The following AP1B1 variants were observed in gnomAD, a reference collection of about 807,000 sequenced individuals.
AP1B1 encodes adaptor related protein complex 1 subunit beta 1.
Under a neutral mutation model 104.3 loss-of-function variants are expected in AP1B1, and 36 were observed. The observed-to-expected ratio is 0.35, with a 90% CI of 0.26 to 0.46. The LOEUF is 0.46. AP1B1 is among the 20% of genes least tolerant of loss of function. The pLI, the probability that AP1B1 is intolerant of heterozygous loss-of-function variation, is 1.00. For missense variants in AP1B1, 901 were observed against 1,247.9 expected, an observed-to-expected ratio of 0.72 and a Z score of 4.19; for synonymous variants, 504 against 517.5, an observed-to-expected ratio of 0.97 and a Z score of 0.35.
chr22:29,372,444 AAAAAG>A (rs1290493592), intron 1 of AP1B1, among the ~76,000 whole-genome samples: 2 of 151,656 alleles, frequency 1.3e-5, no homozygotes, highest in Non-Finnish European at 2.9e-5. Context: ...AAAAAAAAGA[AAAAAG>A]AAAAGAAAAG....
At chr22:29,373,901 GAAA>G (rs562221478) in intron 1 of AP1B1, among the ~76,000 whole-genome samples, 1 of 88,364 alleles carries the variant, frequency 1.1e-5, no homozygotes. Flanking sequence ...GACTCGGTCT[GAAA>G]AAAAAAAAAA....
Position 29,351,208 on chromosome 22 carries a change from G to C in AP1B1, c.1118C>G (p.Ala373Gly). ...TEVDVDFVRKAVRAIGRCAIK... is the reference protein window; with the variant it reads ...TEVDVDFVRKGVRAIGRCAIK... ...GGCGCAGCGGCCAATAGCACGCACAGCCTTCCGTACAAAGTCCACATCCAC... is the reference window on the plus strand; with the variant it reads ...GGCGCAGCGGCCAATAGCACGCACACCCTTCCGTACAAAGTCCACATCCAC... The change falls in exon 9 of 23, where the codon GCT becomes GGT. Residue 373 changes from alanine (A) to glycine (G), a missense_variant. Physicochemically the swap from Ala to Gly is moderately conservative, Grantham distance 60 (BLOSUM62 0). Coordinates refer to ENST00000357586, the MANE Select transcript of AP1B1 (RefSeq NM_001127.4). 1 of 1,614,018 alleles carries C rather than the reference G, an allele frequency of 6.2e-7. No individual in the cohort carries two copies. The highest frequency in any genetic ancestry group is 1.1e-5 in the South Asian group (1 of 91,080).
intron 11 of AP1B1, among the ~76,000 whole-genome samples, chr22:29,348,242 A>T (rs2061822033): frequency 6.6e-6 from 1 of 152,242 alleles, no homozygotes; most frequent in Admixed American, 6.5e-5. Context: ...GAAAGCTTTC[A>T]GTTGCCTGAC....
intron 4 of AP1B1, 144 bp downstream of exon 4, chr22:29,359,676 TGGAG>T: frequency 8.2e-6 from 8 of 979,400 alleles, no homozygotes; most frequent in Non-Finnish European, 1.2e-5. Context: ...AGCCCTCTGC[TGGAG>T]GAAGAGGCCT....
At chr22:29,331,379 C>G in intron 19 of AP1B1, 70 bp downstream of exon 19, 1 of 1,470,646 alleles carries the variant, frequency 6.8e-7, no homozygotes, top group Non-Finnish European at 9.5e-7. Flanking sequence ...TTGGTAAAGG[C>G]ACCACCTTGG....
chr22:29,365,731 C>A (rs1447935974), intron 2 of AP1B1, among the ~76,000 whole-genome samples: 2 of 151,730 alleles, frequency 1.3e-5, no homozygotes, highest in East Asian at 3.9e-4. Flanking sequence ...TCTTGTATCA[C>A]CCTCCTCGGT....
At chr22:29,334,163 T>C (rs1602690219) in intron 17 of AP1B1, 102 bp downstream of exon 17, 9 of 506,102 alleles carry the variant, frequency 1.8e-5, no homozygotes, top group Middle Eastern at 3.3e-4. Context: ...TGCCCTCCCC[T>C]CTACAGCCCC....
chr22:29,340,743 G>C lies in AP1B1; in HGVS notation c.1911C>G (p.Leu637=), dbSNP rs768246871. The change falls in exon 14 of 23, where the codon CTC becomes CTG. Residue 637 remains leucine (L), a synonymous_variant. Transcript: ENST00000357586. The part of the protein sequence containing the change: ...DLLGDLLNLD[L]GPPVSGPPLA... ...GGGGTGGGCCGCTCACTGGGGGGCC[G>C]AGGTCCAGGTTGAGGAGGTCACCCA... The C allele has an allele frequency of 2.1e-5, 33 of 1,596,458 alleles. No individual in the cohort carries two copies. The highest frequency in any genetic ancestry group is 1.7e-4 in the Middle Eastern group (1 of 6,056).
chr22:29,359,990 A>C (rs1161217431), intron 3 of AP1B1, 31 bp from the exon 4 acceptor site: 10 of 1,600,174 alleles, frequency 6.2e-6, no homozygotes, highest in Non-Finnish European at 8.5e-6. Context: ...CAGCATGGGA[A>C]AGGCTGAACA....
intron 5 of AP1B1, 132 bp downstream of exon 5, chr22:29,358,594 A>G: frequency 7.9e-7 from 1 of 1,273,604 alleles, no homozygotes; most frequent in Non-Finnish European, 1.1e-6. Flanking sequence ...CAAAAGGCAC[A>G]AGAACAACTG....
chr22:29,359,846 A>C lies in AP1B1; in HGVS notation c.257T>G (p.Met86Arg). The change falls in exon 4 of 23, where the codon ATG becomes AGG. Residue 86 changes from methionine (M) to arginine (R), a missense_variant. Met to Arg is a moderately conservative substitution (Grantham distance 91). Coordinates refer to ENST00000357586, the MANE Select transcript of AP1B1 (RefSeq NM_001127.4). Reference sequence around the variant, plus strand: ...CACCTTCACAAAGGTGTTGACGGCCATAATGGCCATGTCAGGCTGACTCTT... The same window carrying C: ...CACCTTCACAAAGGTGTTGACGGCCCTAATGGCCATGTCAGGCTGACTCTT... ...YAKSQPDMAI[M>R]AVNTFVKDCE... The C allele has an allele frequency of 6.2e-7, 1 of 1,614,024 alleles. No homozygotes were observed. Among genetic ancestry groups the C allele is most frequent in the Non-Finnish European group, 8.5e-7 (1 of 1,179,954 alleles).
intron 2 of AP1B1, among the ~76,000 whole-genome samples, chr22:29,363,861 C>G (rs1416106449): frequency 3.3e-5 from 5 of 152,032 alleles, no homozygotes; most frequent in Non-Finnish European, 7.4e-5. Context: ...CCACTACACT[C>G]CAGCCTGGGG....
In AP1B1 at chr22:29,354,677, C is replaced by T. The variant is rs1010374023; in HGVS notation, c.911G>A (p.Arg304His). 5.0e-6 allele frequency: 8 copies of T among 1,613,904 alleles called. No homozygotes were observed. Among genetic ancestry groups the T allele is most frequent in the African/African-American group, 1.3e-5 (1 of 74,864 alleles). Residue 304 changes from arginine to histidine, a missense_variant, in exon 7 of 23, where the codon CGC becomes CAC. Arg to His is a conservative substitution (Grantham distance 29, BLOSUM62 0). This residue lies in a region of AP1B1 where 471 missense variants were observed against 696.7 expected (regional missense o/e 0.68). Coordinates refer to ENST00000357586, the MANE Select transcript of AP1B1 (RefSeq NM_001127.4). ...AEPELQYVAL[R>H]NINLIVQKRP... ...TTTCTGCACGATGAGATTGATGTTG[C>T]GCAGGGCCACATACTGCAGCTCTGG... is the stretch of plus-strand genomic sequence containing the variant.
At chr22:29,346,287 CAA>C (rs1443678278) in intron 11 of AP1B1, among the ~76,000 whole-genome samples, 4 of 152,176 alleles carry the variant, frequency 2.6e-5, no homozygotes, top group Non-Finnish European at 5.9e-5. Flanking sequence ...GGCTTAGCTG[CAA>C]AAGACTGACC....
At chr22:29,365,738 C>T (rs920093518) in intron 2 of AP1B1, among the ~76,000 whole-genome samples, 6 of 151,778 alleles carry the variant, frequency 4.0e-5, no homozygotes, top group South Asian at 2.1e-4. Flanking sequence ...TCACCCTCCT[C>T]GGTAGCTCAT....
chr22:29,341,554 A>T lies in AP1B1; in HGVS notation c.1743T>A (p.Phe581Leu), dbSNP rs1351472932. Residue 581 changes from phenylalanine to leucine, a missense_variant, in exon 13 of 23, where the codon TTT becomes TTA. Transcript: ENST00000357586. ...GCACGACGCCCCGGCCCCCCTCCAC[A>T]AAGGCACTGGGAGGCTTATGGTAGA... ...ASVYHKPPSA[F>L]VEGGRGVVHK... The T allele has an allele frequency of 5.0e-6, 8 of 1,614,172 alleles. No homozygotes were observed. The highest frequency in any genetic ancestry group is 6.8e-6 in the Non-Finnish European group (8 of 1,180,006).
Position 29,349,982 on chromosome 22 carries a change from C to A in AP1B1, c.1271+53G>T. On this transcript the variant is annotated intron_variant, in intron 10 of 22. Transcript: ENST00000357586. Reference sequence around the variant, plus strand: ...CCTCCTTCCTTTTCTGCCCCGCCATCCCTGTCCCCAGGCAGAGCTAGATGC... The same window carrying A: ...CCTCCTTCCTTTTCTGCCCCGCCATACCTGTCCCCAGGCAGAGCTAGATGC... 5 of 1,402,890 alleles carry A rather than the reference C, an allele frequency of 3.6e-6. No homozygotes were observed. In the Admixed American group the frequency reaches 6.7e-5, roughly 19 times the overall value. The allele number at this position is 1,402,890 out of a possible 1,614,324, so 86.9% of individuals were successfully genotyped here. A position where few individuals can be genotyped will look rare whatever the true frequency, so the allele number is the denominator to read the frequency against.
rs1344315497 is a variant in AP1B1 at position 29,328,010 on chromosome 22, A to G, written c.*811T>C. 6.5e-6 allele frequency: 1 copy of G among 152,802 alleles called. No individual in the cohort carries two copies. Among genetic ancestry groups the G allele is most frequent in the African/African-American group, 2.4e-5 (1 of 41,438 alleles). 9.5% of individuals were successfully genotyped at this position (152,802 alleles called of 1,614,324 possible). A position where few individuals can be genotyped will look rare whatever the true frequency, so the allele number is the denominator to read the frequency against. On this transcript the variant is annotated 3_prime_UTR_variant, in exon 23 of 23. Transcript: ENST00000357586. This position sits in a 1 kb window ranked among gnomAD's most constrained non-coding sequence, Gnocchi z 4.1. ...ACCCAAACAGGAGGCGCACCCGCTT[A>G]CCCAGCCCCATCTCTCGGCCCAGTC...
chr22:29,369,030 A>C (rs1023853446), intron 1 of AP1B1, among the ~76,000 whole-genome samples: 3 of 152,164 alleles, frequency 2.0e-5, no homozygotes, highest in African/African-American at 7.2e-5. Context: ...AACTCCAAAA[A>C]ACAGACATTT....
Sources: gnomAD v4.1 joint callset for allele counts (sites outside exome capture counted in the v4.1 genomes callset) on GRCh38, gnomAD v4.1.1 for gene constraint, gnomAD v4.1.1 regional missense constraint, Gnocchi (gnomAD v3.1) non-coding constraint, MANE v1.5 for transcripts, NCBI Gene and HGNC (gene_info 2026-07-23, HGNC 2026-07-21) for gene names.